The following CDH4 variants were observed in gnomAD, a reference collection of about 807,000 sequenced individuals.
CDH4 encodes cadherin-4.
CDH4 carries 33 observed loss-of-function variants against 86.0 expected under a neutral mutation model. The ratio of observed to expected loss-of-function variants is 0.38; its 90% CI spans 0.29 to 0.51. The LOEUF (loss-of-function observed/expected upper bound fraction) is 0.51. Ranked by LOEUF, CDH4 falls within the 20% of genes least tolerant of loss-of-function variation. The pLI, the probability that CDH4 is intolerant of heterozygous loss-of-function variation, is 0.86. For missense variants in CDH4, 1,114 were observed against 1,307.4 expected (o/e 0.85, Z 2.28); for synonymous variants, 555 against 549.4 (o/e 1.01, Z -0.14).
intron 2 of CDH4, among the ~76,000 whole-genome samples, chr20:61,341,552 G>A (rs540221853): frequency 3.0e-4 from 45 of 148,252 alleles, no homozygotes; most frequent in South Asian, 1.1e-3. Flanking sequence ...ATGAAATGGT[G>A]TTGAGAAAGG....
In CDH4 at chr20:61,686,432, TGTGC is replaced by T. The variant is rs749855785; in HGVS notation, c.170-57127_170-57124del. Among the ~76,000 whole-genome samples the T allele has an allele frequency of 1.4e-3, 217 of 149,766 alleles. 3 individuals are homozygous for T. The highest frequency in any genetic ancestry group is 0.011 in the East Asian group (56 of 4,884). The stretch of plus-strand genomic sequence containing the variant: ...ATGTGCCTGTACATTTGCGTGTGTA[TGTGC>T]GTGTGCGTGTGCATTCGTGTGTGTG... On this transcript the variant is annotated intron_variant, in intron 2 of 15. Transcript: ENST00000614565.
At chr20:61,896,890 C>A (rs544806975) in intron 8 of CDH4, among the ~76,000 whole-genome samples, 31 of 152,276 alleles carry the variant, frequency 2.0e-4, no homozygotes, top group Admixed American at 1.4e-3. Context: ...TCCTCCCTGA[C>A]TCCGAGAAAG....
At chr20:61,803,499 G>A (rs149782440) in intron 4 of CDH4, among the ~76,000 whole-genome samples, 2,881 of 152,336 alleles carry the variant, frequency 0.019, 31 homozygotes, top group Middle Eastern at 0.051. Context: ...TTGGTCGGGG[G>A]ATTAGAGCCG....
chr20:61,402,951 A>T (rs1348683460), intron 2 of CDH4, among the ~76,000 whole-genome samples: 1 of 152,206 alleles, frequency 6.6e-6, no homozygotes, highest in Non-Finnish European at 1.5e-5. Context: ...CCACCCAACA[A>T]AAAGGCTGAT....
intron 2 of CDH4, among the ~76,000 whole-genome samples, chr20:61,559,519 C>CT (rs1156864328): frequency 0.049 from 5,162 of 104,950 alleles, 590 homozygotes; most frequent in African/African-American, 0.17. Flanking sequence ...ATTTTTTTTT[C>CT]TTTTTTTTTT....
Position 61,561,644 on chromosome 20 carries a change from T to TA in CDH4, c.170-181916dup, listed in dbSNP as rs2086217248. Among the ~76,000 whole-genome samples, 6 of 152,350 alleles carry TA rather than the reference T, an allele frequency of 3.9e-5. No individual in the cohort carries two copies. The South Asian group carries it at 1.2e-3, about 32-fold the overall frequency. Reference sequence around the variant, plus strand: ...CTGGCCTGCTGCCTGTTTTTACAAATAAAGTTTTATTGGAACTCAGCCATG... The same window carrying TA: ...CTGGCCTGCTGCCTGTTTTTACAAATAAAAGTTTTATTGGAACTCAGCCATG... On this transcript the variant is annotated intron_variant, in intron 2 of 15. Transcript: ENST00000614565.
Position 61,684,381 on chromosome 20 carries a change from G to A in CDH4, c.170-59182G>A, listed in dbSNP as rs375003238. Among the ~76,000 whole-genome samples, 65 of 152,312 alleles carry A rather than the reference G, an allele frequency of 4.3e-4. No homozygotes were observed. In the East Asian group the frequency reaches 9.7e-3, roughly 23 times the overall value. On this transcript the variant is annotated intron_variant, in intron 2 of 15. Transcript: ENST00000614565. The surrounding 1 kb of genome is among the most constrained non-coding windows in gnomAD (Gnocchi z 4.5). The stretch of plus-strand genomic sequence containing the variant: ...CGCGGAGCACGTGGCCTCAACCTCC[G>A]TCTTGCTTATGCTGGTTAAGTAGGT...
At chr20:61,253,362 A>G (rs2084076637) in intron 1 of CDH4, among the ~76,000 whole-genome samples, 1 of 151,674 alleles carries the variant, frequency 6.6e-6, no homozygotes, top group African/African-American at 2.4e-5. Context: ...GCGCCTGGCG[A>G]GGTGCGCGGC....
intron 2 of CDH4, among the ~76,000 whole-genome samples, chr20:61,646,324 T>G (rs2087060887): frequency 6.6e-6 from 1 of 152,152 alleles, no homozygotes; most frequent in African/African-American, 2.4e-5. Context: ...GAGTGTTTAT[T>G]CAGCCCGCAC....
intron 2 of CDH4, among the ~76,000 whole-genome samples, chr20:61,259,141 T>G (rs142636191): frequency 6.6e-6 from 1 of 152,212 alleles, no homozygotes. Context: ...GAAGCAGAGT[T>G]GACAGACAGT....
chr20:61,557,008 C>T (rs1052942116), intron 2 of CDH4, among the ~76,000 whole-genome samples: 7 of 152,318 alleles, frequency 4.6e-5, no homozygotes, highest in African/African-American at 1.7e-4. Context: ...CTGGGGCTTT[C>T]CAAATGTGAG....
chr20:61,870,613 A>C (rs1043997498), intron 6 of CDH4, among the ~76,000 whole-genome samples: 2 of 152,178 alleles, frequency 1.3e-5, no homozygotes, highest in Non-Finnish European at 1.5e-5. Flanking sequence ...CAGGTTTCAC[A>C]GACGAAAATG....
chr20:61,545,108 G>A (rs550067648), intron 2 of CDH4, among the ~76,000 whole-genome samples: 1 of 152,292 alleles, frequency 6.6e-6, no homozygotes, highest in South Asian at 2.1e-4. Context: ...TGCTTTCTGA[G>A]ACCAAAGTCG....
At chr20:61,395,520 A>G (rs1173453827) in intron 2 of CDH4, among the ~76,000 whole-genome samples, 1 of 152,160 alleles carries the variant, frequency 6.6e-6, no homozygotes, top group Non-Finnish European at 1.5e-5. Context: ...TGGTTCACAC[A>G]TGTAATCCCA....
Position 61,876,460 on chromosome 20 carries a change from C to T in CDH4, c.1050+2560C>T, listed in dbSNP as rs117063232. ...GAGGCAGCTGGTTCTACTGAGCGAC[C>T]GGAGAACTGGGAAGGGGAAGGTGTG... On this transcript the variant is annotated intron_variant, in intron 7 of 15. Transcript: ENST00000614565. Among the ~76,000 whole-genome samples the T allele has an allele frequency of 9.9e-3, 1,505 of 152,298 alleles. 9 individuals carry two copies. The highest frequency in any genetic ancestry group is 0.015 in the Admixed American group (236 of 15,302).
intron 8 of CDH4, among the ~76,000 whole-genome samples, chr20:61,907,254 C>G (rs1320916149): frequency 6.6e-6 from 1 of 152,102 alleles, no homozygotes; most frequent in Non-Finnish European, 1.5e-5. Context: ...GGAGGGCTGC[C>G]CCTCCCGCCC....
intron 2 of CDH4, among the ~76,000 whole-genome samples, chr20:61,655,868 G>T (rs993632163): frequency 2.0e-5 from 3 of 152,252 alleles, no homozygotes; most frequent in Admixed American, 6.5e-5. Flanking sequence ...CCCAGGTGAA[G>T]TGTGTGGCTA....
In CDH4 at chr20:61,393,485, C is replaced by G. The variant is rs563062196; in HGVS notation, c.169+138548C>G. ...TGGCAGTAAGCGACACGCTGAACCA[C>G]AACTTTCTTTCCAGAGTAATTCTGA... On this transcript the variant is annotated intron_variant, in intron 2 of 15. Coordinates refer to ENST00000614565, the MANE Select transcript of CDH4 (RefSeq NM_001794.5). This position sits in a 1 kb window ranked among gnomAD's most constrained non-coding sequence, Gnocchi z 4.3. 8.5e-5 allele frequency among the ~76,000 whole-genome samples: 13 copies of G among 152,344 alleles called. No homozygotes were observed. Among genetic ancestry groups the G allele is most frequent in the African/African-American group, 2.6e-4 (11 of 41,590 alleles).
At chr20:61,460,086 C>T (rs572379486) in intron 2 of CDH4, among the ~76,000 whole-genome samples, 1 of 152,118 alleles carries the variant, frequency 6.6e-6, no homozygotes, top group African/African-American at 2.4e-5. Flanking sequence ...TGGATATTAT[C>T]CCTTAGTAGA....
Sources: gnomAD v4.1 joint callset for allele counts (sites outside exome capture counted in the v4.1 genomes callset) on GRCh38, gnomAD v4.1.1 for gene constraint, Gnocchi (gnomAD v3.1) non-coding constraint, MANE v1.5 for transcripts, NCBI Gene and HGNC (gene_info 2026-07-23, HGNC 2026-07-21) for gene names.